ZNF761: variants seen among roughly 807,000 people sequenced by gnomAD.
The protein encoded by ZNF761 is zinc finger protein 761.
In ZNF761, 43 loss-of-function variants were observed where a neutral mutation model predicts 59.9. The ratio of observed to expected loss-of-function variants is 0.72; its 90% CI spans 0.56 to 0.92. The LOEUF (loss-of-function observed/expected upper bound fraction) is 0.92. Ranked by LOEUF, ZNF761 falls within the 40% of genes least tolerant of loss-of-function variation. The pLI is 0.00. For missense variants in ZNF761, 850 were observed against 906.1 expected (o/e 0.94, Z 0.79); for synonymous variants, 294 against 304.8 (o/e 0.96, Z 0.37).
chr19:53,445,711 G>A (rs970561605), intron 1 of ZNF761, among the ~76,000 whole-genome samples: 5 of 152,142 alleles, frequency 3.3e-5, no homozygotes, highest in East Asian at 1.9e-4. Context: ...TTAAAAAAAC[G>A]TGAAAGAATG....
chr19:53,443,813 C>G (rs140121021), intron 1 of ZNF761: 1,612 of 152,328 alleles, frequency 0.011, 13 homozygotes, highest in Non-Finnish European at 0.017. Flanking sequence ...GTTACTGTGC[C>G]TATGTGGAAA....
rs143459723 is a variant in ZNF761 at position 53,450,818 on chromosome 19, G to A, written c.142+1180G>A. Among the ~76,000 whole-genome samples the A allele has an allele frequency of 2.1e-3, 312 of 152,098 alleles. No homozygotes were observed. The Middle Eastern group carries it at 0.024, about 12-fold the overall frequency. On this transcript the variant is annotated intron_variant, in intron 4 of 4. Coordinates refer to ENST00000684525, the MANE Select transcript of ZNF761 (RefSeq NM_001289951.2). ...TCAAAACCAGCCTGCCTAACATGGC[G>A]AAACTCCATCTCTACTAAAATACAA...
At position 53,454,867 on chromosome 19, in the gene ZNF761, A is replaced by T. The variant is rs1600099189; in HGVS notation, c.360A>T (p.Thr120=). 1.2e-6 allele frequency: 2 copies of T among 1,614,198 alleles called. No homozygotes were observed. The highest frequency in any genetic ancestry group is 1.3e-5 in the African/African-American group (1 of 75,068). The change falls in exon 5 of 5, where the codon ACA becomes ACT. Residue 120 remains threonine (T), a synonymous_variant. Coordinates refer to ENST00000684525, the MANE Select transcript of ZNF761 (RefSeq NM_001289951.2). ...CCATGACAAAAATCAAAAAGTTGAC[A>T]GGTATTACAGAACGATATGATCAAA... The part of the protein sequence containing the change: ...EAPMTKIKKL[T]GITERYDQSH...
intron 1 of ZNF761, among the ~76,000 whole-genome samples, chr19:53,445,860 A>G (rs10414573): frequency 0.046 from 7,018 of 152,120 alleles, 349 homozygotes; most frequent in East Asian, 0.14. Context: ...TGTTCCCCAG[A>G]ACAAAAGCCC....
Position 53,442,164 on chromosome 19 carries a change from A to T in ZNF761, c.-184-4063A>T. 28 of 1,127,152 alleles carry T rather than the reference A, an allele frequency of 2.5e-5. No homozygotes were observed. In the South Asian group the frequency reaches 3.3e-4, roughly 13 times the overall value. 69.8% of individuals were successfully genotyped at this position (1,127,152 alleles called of 1,614,324 possible). A position where few individuals can be genotyped will look rare whatever the true frequency, so the allele number is the denominator to read the frequency against. ...GTTATTGAAATCTGGGCCTTAAAAG[A>T]TGAAGAAGATGGAACTCCAGGAAAT... On this transcript the variant is annotated intron_variant, in intron 1 of 4. Coordinates refer to ENST00000684525, the MANE Select transcript of ZNF761 (RefSeq NM_001289951.2).
At chr19:53,444,387 C>G (rs929027318) in intron 1 of ZNF761, 3 of 152,222 alleles carry the variant, frequency 2.0e-5, no homozygotes, top group Non-Finnish European at 4.4e-5. Context: ...GGCAATACTG[C>G]TCTTTACTGC....
chr19:53,456,808 C>A lies in ZNF761; in HGVS notation c.*60C>A. The A allele has an allele frequency of 3.2e-6, 5 of 1,558,042 alleles. No individual in the cohort carries two copies. The highest frequency in any genetic ancestry group is 4.4e-6 in the Non-Finnish European group (5 of 1,134,708). On this transcript the variant is annotated 3_prime_UTR_variant, in exon 5 of 5. Coordinates refer to ENST00000684525, the MANE Select transcript of ZNF761 (RefSeq NM_001289951.2). ...CTTGCAGGTCATCATAGAATTCATA[C>A]TGGGGAGAAACCTTAGAAATGTGAA...
At chr19:53,439,587 TTAAGTC>T (rs2086077794) in intron 1 of ZNF761, among the ~76,000 whole-genome samples, 1 of 152,152 alleles carries the variant, frequency 6.6e-6, no homozygotes, top group Non-Finnish European at 1.5e-5. Flanking sequence ...AAAGCATCCT[TTAAGTC>T]TAAGACTGTA....
At chr19:53,451,537 A>T (rs1350913235) in intron 4 of ZNF761, among the ~76,000 whole-genome samples, 2 of 151,786 alleles carry the variant, frequency 1.3e-5, no homozygotes, top group Non-Finnish European at 2.9e-5. Context: ...TTTACTGGAG[A>T]ACTTTATATA....
chr19:53,442,007 G>GA, intron 1 of ZNF761: 1 of 1,117,640 alleles, frequency 8.9e-7, no homozygotes, highest in Non-Finnish European at 1.3e-6. Context: ...AGAGGCTGAA[G>GA]TGGCCTCCGT....
rs980802464 is a variant in ZNF761 at position 53,433,455 on chromosome 19, CT to C, written c.-185+1429del. ...CTGGAGCCCATTTCTTTGGCTTCGA[CT>C]TCGCCAAGTCGAGCTTGCTAGGCAG... On this transcript the variant is annotated intron_variant, in intron 1 of 4. Transcript: ENST00000684525. 1.1e-3 allele frequency among the ~76,000 whole-genome samples: 46 copies of C among 40,198 alleles called. 1 individual carries two copies. Among genetic ancestry groups the C allele is most frequent in the African/African-American group, 7.4e-3 (36 of 4,860 alleles). 26.4% of individuals were successfully genotyped at this position (40,198 alleles called of 152,430 possible).
chr19:53,456,888 T>C lies in ZNF761; in HGVS notation c.*140T>C. ...AAGCCTCAGAAGACAGGAGAATTCA[T>C]ACTGGAGAGAAAGCTTATAAATGTG... On this transcript the variant is annotated 3_prime_UTR_variant, in exon 5 of 5. Transcript: ENST00000684525. The C allele has an allele frequency of 2.0e-6, 2 of 978,370 alleles. No individual in the cohort carries two copies. The highest frequency in any genetic ancestry group is 3.1e-6 in the Non-Finnish European group (2 of 642,892). 60.6% of individuals were successfully genotyped at this position (978,370 alleles called of 1,614,324 possible).
Position 53,458,094 on chromosome 19 carries a change from T to C in ZNF761, c.*1346T>C, listed in dbSNP as rs1170827542. Reference sequence around the variant, plus strand: ...TAAAATTTTCTTTTAAAATTGTTTATTGTTAAAGTATGGAAATTCAACTAA... The same window carrying C: ...TAAAATTTTCTTTTAAAATTGTTTACTGTTAAAGTATGGAAATTCAACTAA... On this transcript the variant is annotated 3_prime_UTR_variant, in exon 5 of 5. Coordinates refer to ENST00000684525, the MANE Select transcript of ZNF761 (RefSeq NM_001289951.2). 1 of 152,392 alleles carries C rather than the reference T, an allele frequency of 6.6e-6. No individual in the cohort carries two copies. Among genetic ancestry groups the C allele is most frequent in the Non-Finnish European group, 1.5e-5 (1 of 68,166 alleles). 9.4% of individuals were successfully genotyped at this position (152,392 alleles called of 1,614,324 possible).
intron 1 of ZNF761, among the ~76,000 whole-genome samples, chr19:53,433,627 TC>T (rs1285828874): frequency 2.0e-5 from 3 of 152,214 alleles, no homozygotes; most frequent in Admixed American, 6.5e-5. Context: ...CTAGAAGACA[TC>T]ACTATTACTG....
At position 53,454,752 on chromosome 19, in the gene ZNF761, A is replaced by G. The variant is rs780150832; in HGVS notation, c.245A>G (p.Asn82Ser). Residue 82 changes from asparagine to serine, a missense_variant, in exon 5 of 5, where the codon AAT becomes AGT. Asn to Ser is a conservative substitution (Grantham distance 46). Transcript: ENST00000684525. ...GTLQIHESHH[N>S]GDFCYQDVDK... is the part of the protein sequence containing the mutation. ...TTGCAAATACATGAAAGTCATCACA[A>G]TGGAGATTTTTGCTACCAGGATGTT... 1.4e-5 allele frequency: 23 copies of G among 1,614,034 alleles called. No homozygotes were observed. The highest frequency in any genetic ancestry group is 1.2e-4 in the Admixed American group (7 of 59,994).
intron 1 of ZNF761, chr19:53,443,389 G>A (rs963571708): frequency 1.3e-5 from 2 of 152,676 alleles, no homozygotes; most frequent in African/African-American, 4.8e-5. Context: ...AAGAAGTCCA[G>A]TGGAGTCAAA....
Position 53,456,212 on chromosome 19 carries a change from C to A in ZNF761, c.1705C>A (p.Arg569Ser). 6.2e-7 allele frequency: 1 copy of A among 1,613,698 alleles called. No homozygotes were observed. The highest frequency in any genetic ancestry group is 8.5e-7 in the Non-Finnish European group (1 of 1,179,954). Residue 569 changes from arginine to serine, a missense_variant, in exon 5 of 5, where the codon CGT becomes AGT. Transcript: ENST00000684525. ...TCAGCAGTTAACCCTTAAACGCCAT[C>A]GTAGACTTCATAGTGGAGAGAACCC... ...FNQQLTLKRH[R>S]RLHSGENPYK...
intron 1 of ZNF761, among the ~76,000 whole-genome samples, chr19:53,440,111 G>A (rs1051376370): frequency 1.3e-5 from 2 of 152,086 alleles, no homozygotes; most frequent in African/African-American, 4.8e-5. Context: ...GAGTACAGGA[G>A]TTCGAGACCA....
At position 53,455,667 on chromosome 19, in the gene ZNF761, G is replaced by A; in HGVS notation, c.1160G>A (p.Cys387Tyr). The part of the protein sequence containing the change: ...TGEKPYKCNE[C>Y]GKTFSHKSSL... ...GAGAAACCCTACAAATGTAATGAGTGTGGCAAGACCTTTAGTCACAAGTCA... is the reference window on the plus strand; with the variant it reads ...GAGAAACCCTACAAATGTAATGAGTATGGCAAGACCTTTAGTCACAAGTCA... Residue 387 changes from cysteine to tyrosine, a missense_variant, in exon 5 of 5, where the codon TGT becomes TAT. Physicochemically the swap from Cys to Tyr is radical, Grantham distance 194. Transcript: ENST00000684525. 2.5e-6 allele frequency: 4 copies of A among 1,613,776 alleles called. No homozygotes were observed. Among genetic ancestry groups the A allele is most frequent in the Non-Finnish European group, 3.4e-6 (4 of 1,179,994 alleles).
Sources: gnomAD v4.1 joint callset for allele counts (sites outside exome capture counted in the v4.1 genomes callset) on GRCh38, gnomAD v4.1.1 for gene constraint, MANE v1.5 for transcripts, NCBI Gene and HGNC (gene_info 2026-07-23, HGNC 2026-07-21) for gene names.